FER: variants seen among roughly 807,000 people sequenced by gnomAD.
FER encodes the protein FER tyrosine kinase.
Under a neutral mutation model 111.0 loss-of-function variants are expected in FER, and 63 were observed. That is an observed-to-expected ratio of 0.57 (90% CI 0.46 to 0.70). The LOEUF (loss-of-function observed/expected upper bound fraction) is 0.70, where lower values mean the gene tolerates loss of function less well. Among genes scored for constraint, FER ranks in the 30% least tolerant of loss-of-function variants. The probability of loss-of-function intolerance (pLI) is 0.00; values close to 1 mark genes in which losing one functional copy is unlikely to be tolerated. For synonymous variants in FER, 327 were observed against 313.9 expected, an observed-to-expected ratio of 1.04 and a Z score of -0.44; for missense variants, 914 against 954.0, an observed-to-expected ratio of 0.96 and a Z score of 0.55.
chr5:108,924,562 G>A, intron 10 of FER: 7 of 1,212,984 alleles, frequency 5.8e-6, no homozygotes, highest in Non-Finnish European at 7.2e-6. Flanking sequence ...ATCCAGATTT[G>A]CACCTCTCTT....
In FER at chr5:108,997,348, G is replaced by A. The variant is rs572104824; in HGVS notation, c.1656+38001G>A. Among the ~76,000 whole-genome samples, 4 of 150,878 alleles carry A rather than the reference G, an allele frequency of 2.7e-5. No individual in the cohort carries two copies. The East Asian group carries it at 7.8e-4, about 30-fold the overall frequency. ...CAGGAGAATGGCGTGAACCCAGGAG[G>A]CAGAGCTTGCAGTGAGCGAGAGCAT... On this transcript the variant is annotated intron_variant, in intron 13 of 19. Coordinates refer to ENST00000281092, the MANE Select transcript of FER (RefSeq NM_005246.4).
chr5:108,755,473 G>C (rs80139664), intron 1 of FER, among the ~76,000 whole-genome samples: 28 of 152,196 alleles, frequency 1.8e-4, no homozygotes, highest in Non-Finnish European at 3.5e-4. Context: ...TCTTCTAGCA[G>C]TGTTCAGGGT....
intron 11 of FER, among the ~76,000 whole-genome samples, chr5:108,950,941 T>A: frequency 6.6e-6 from 1 of 151,232 alleles, no homozygotes; most frequent in East Asian, 1.9e-4. Context: ...ATACATAGCT[T>A]TAAAATAAAA....
chr5:109,013,350 A>AT (rs1231353209), intron 13 of FER, among the ~76,000 whole-genome samples: 2 of 150,718 alleles, frequency 1.3e-5, no homozygotes, highest in African/African-American at 4.9e-5. Context: ...TGTCCTTGCG[A>AT]TAGTTTACTG....
chr5:109,046,333 G>C (rs1771966330), intron 15 of FER, among the ~76,000 whole-genome samples: 1 of 151,976 alleles, frequency 6.6e-6, no homozygotes, highest in Admixed American at 6.6e-5. Flanking sequence ...AAAATCAAGT[G>C]CGTGTGTTAA....
At chr5:109,150,650 A>C (rs1754732953) in intron 17 of FER, among the ~76,000 whole-genome samples, 1 of 152,212 alleles carries the variant, frequency 6.6e-6, no homozygotes, top group Non-Finnish European at 1.5e-5. Flanking sequence ...ACAATAAGTT[A>C]TCTCTTTTTG....
intron 17 of FER, among the ~76,000 whole-genome samples, chr5:109,147,670 A>T (rs1000871163): frequency 1.3e-5 from 2 of 151,936 alleles, no homozygotes; most frequent in African/African-American, 2.4e-5. Flanking sequence ...TCTAGCTGAA[A>T]AAGGCAGGCC....
At chr5:109,158,081 C>A (rs1004427412) in intron 17 of FER, among the ~76,000 whole-genome samples, 1 of 151,936 alleles carries the variant, frequency 6.6e-6, no homozygotes, top group Non-Finnish European at 1.5e-5. Flanking sequence ...AGGCGTGTAT[C>A]TATTTTTTAA....
At chr5:108,900,015 G>A (rs1387506583) in intron 10 of FER, among the ~76,000 whole-genome samples, 1 of 152,118 alleles carries the variant, frequency 6.6e-6, no homozygotes, top group African/African-American at 2.4e-5. Context: ...AGATGGTGCT[G>A]CATATTTCAT....
intron 10 of FER, among the ~76,000 whole-genome samples, chr5:108,927,454 G>GT (rs373574913): frequency 6.6e-6 from 1 of 151,530 alleles, no homozygotes; most frequent in African/African-American, 2.4e-5. Flanking sequence ...TAGAGACGGG[G>GT]TTCACCTTGT....
At chr5:108,921,098 T>A (rs907292066) in intron 10 of FER, among the ~76,000 whole-genome samples, 3 of 152,170 alleles carry the variant, frequency 2.0e-5, no homozygotes, top group African/African-American at 4.8e-5. Flanking sequence ...CTTTGAGAGA[T>A]CTCTGACTAC....
In FER at chr5:109,189,954, T is replaced by C. The variant is rs959083322; in HGVS notation, c.*2379T>C. 6.6e-6 allele frequency: 1 copy of C among 152,218 alleles called. No individual in the cohort carries two copies. The highest frequency in any genetic ancestry group is 1.5e-5 in the Non-Finnish European group (1 of 68,040). The allele number at this position is 152,218 out of a possible 1,614,324, so 9.4% of individuals were successfully genotyped here. A position where few individuals can be genotyped will look rare whatever the true frequency, so the allele number is the denominator to read the frequency against. ...TGACATGTGTAGCATTTAAATTCCA[T>C]TTTATTCTTTGTCCTAAAGCAGGCA... On this transcript the variant is annotated 3_prime_UTR_variant, in exon 20 of 20. Transcript: ENST00000281092.
At chr5:108,788,784 G>C (rs10477431) in intron 2 of FER, among the ~76,000 whole-genome samples, 65,876 of 151,850 alleles carry the variant, frequency 0.43, 16,281 homozygotes, top group African/African-American at 0.68. Context: ...GGTAAAACTT[G>C]CAGCTGAAAC....
At chr5:108,773,924 G>C (rs1451661508) in intron 2 of FER, among the ~76,000 whole-genome samples, 1 of 151,944 alleles carries the variant, frequency 6.6e-6, no homozygotes, top group Admixed American at 6.6e-5. Flanking sequence ...TGTGGTTTTT[G>C]TTTGTTTGTT....
At chr5:108,986,110 T>G (rs78998583) in intron 13 of FER, among the ~76,000 whole-genome samples, 128 of 149,180 alleles carry the variant, frequency 8.6e-4, no homozygotes, top group South Asian at 2.5e-3. Flanking sequence ...TTATTTTTTG[T>G]TTTTTTTATT....
At chr5:108,912,642 G>C (rs1361486303) in intron 10 of FER, among the ~76,000 whole-genome samples, 1 of 152,140 alleles carries the variant, frequency 6.6e-6, no homozygotes, top group Non-Finnish European at 1.5e-5. Flanking sequence ...ATTGACTACA[G>C]GTGTGAGCCA....
intron 10 of FER, among the ~76,000 whole-genome samples, chr5:108,941,803 G>A (rs1353129274): frequency 6.6e-6 from 1 of 152,142 alleles, no homozygotes; most frequent in East Asian, 1.9e-4. Context: ...GTGAAGGATG[G>A]ATGAATAGGC....
intron 16 of FER, among the ~76,000 whole-genome samples, chr5:109,097,524 C>G (rs1458294696): frequency 6.6e-6 from 1 of 151,802 alleles, no homozygotes; most frequent in African/African-American, 2.4e-5. Context: ...ATGAATATTG[C>G]ATATATCACA....
chr5:109,146,240 A>ATC (rs1754120807), intron 17 of FER, among the ~76,000 whole-genome samples: 1 of 85,008 alleles, frequency 1.2e-5, no homozygotes, highest in Non-Finnish European at 2.4e-5. Context: ...TCTAATATAT[A>ATC]TATAATCTAT....
Sources: allele counts gnomAD v4.1 joint callset (sites outside exome capture counted in the v4.1 genomes callset), GRCh38; gene constraint gnomAD v4.1.1; transcripts MANE v1.5; gene names NCBI Gene and HGNC (gene_info 2026-07-23, HGNC 2026-07-21).